ADARB2: variants seen among roughly 807,000 people sequenced by gnomAD.
ADARB2 encodes inactive double-stranded RNA-specific editase B2.
ADARB2 carries 25 observed loss-of-function variants against 62.2 expected under a neutral mutation model. The ratio of observed to expected loss-of-function variants is 0.40; its 90% CI spans 0.29 to 0.56. ADARB2 has a LOEUF of 0.56. Among genes scored for constraint, ADARB2 ranks in the 20% least tolerant of loss-of-function variants. ADARB2 has a pLI of 0.43. For synonymous variants in ADARB2, 572 were observed against 500.8 expected, an observed-to-expected ratio of 1.14 and a Z score of -1.90; for missense variants, 1,071 against 1,077.4, an observed-to-expected ratio of 0.99 and a Z score of 0.08.
At chr10:1,420,046 T>C (rs1185817444) in intron 1 of ADARB2, among the ~76,000 whole-genome samples, 1 of 152,266 alleles carries the variant, frequency 6.6e-6, no homozygotes, top group African/African-American at 2.4e-5. Context: ...GTAAAGTCAA[T>C]TTTTAATAAT....
chr10:1,585,870 TA>T (rs1384787290), intron 1 of ADARB2, among the ~76,000 whole-genome samples: 1 of 152,024 alleles, frequency 6.6e-6, no homozygotes, highest in Non-Finnish European at 1.5e-5. Context: ...CCGTCTCTAC[TA>T]AAAATACAAA....
Position 1,594,546 on chromosome 10 carries a change from C to T in ADARB2, c.100+142505G>A, listed in dbSNP as rs144046155. 4.8e-3 allele frequency among the ~76,000 whole-genome samples: 732 copies of T among 152,218 alleles called. 2 individuals carry two copies. Among genetic ancestry groups the T allele is most frequent in the African/African-American group, 0.016 (676 of 41,542 alleles). ...CAGATGTTGCTAACTCACCATCAAGCGGCCCAATCTCTCTGAGTGGGCTGA... is the reference window on the plus strand; with the variant it reads ...CAGATGTTGCTAACTCACCATCAAGTGGCCCAATCTCTCTGAGTGGGCTGA... On this transcript the variant is annotated intron_variant, in intron 1 of 9. Coordinates refer to ENST00000381312, the MANE Select transcript of ADARB2 (RefSeq NM_018702.4).
chr10:1,226,686 G>C (rs1239452310), intron 6 of ADARB2, among the ~76,000 whole-genome samples: 4 of 152,198 alleles, frequency 2.6e-5, no homozygotes, highest in African/African-American at 9.7e-5. Context: ...TCCAGACCCT[G>C]TTTGCCTGGG....
At chr10:1,463,668 A>T (rs1042213550) in intron 1 of ADARB2, among the ~76,000 whole-genome samples, 1 of 152,266 alleles carries the variant, frequency 6.6e-6, no homozygotes, top group South Asian at 2.1e-4. Context: ...GCACAAGCGT[A>T]GCTTAAGATT....
At chr10:1,284,245 G>A (rs1042148305) in intron 3 of ADARB2, among the ~76,000 whole-genome samples, 2 of 152,114 alleles carry the variant, frequency 1.3e-5, no homozygotes, top group Admixed American at 6.5e-5. Context: ...GACCCTGACC[G>A]GCAGGGTGAC....
chr10:1,431,790 A>C (rs1564287551), intron 1 of ADARB2, among the ~76,000 whole-genome samples: 1 of 152,234 alleles, frequency 6.6e-6, no homozygotes, highest in Non-Finnish European at 1.5e-5. Context: ...CAGAACGTGT[A>C]GTTTTTAAAA....
At chr10:1,469,646 G>A (rs534027454) in intron 1 of ADARB2, among the ~76,000 whole-genome samples, 5 of 152,316 alleles carry the variant, frequency 3.3e-5, no homozygotes, top group Admixed American at 3.3e-4. Flanking sequence ...GGTGCCTTCT[G>A]AGGAGAGAAC....
chr10:1,548,200 G>A (rs1259307245), intron 1 of ADARB2, among the ~76,000 whole-genome samples: 1 of 152,132 alleles, frequency 6.6e-6, no homozygotes, highest in Non-Finnish European at 1.5e-5. Flanking sequence ...TGGTGTCATT[G>A]CACACATTAT....
intron 7 of ADARB2, among the ~76,000 whole-genome samples, chr10:1,208,344 G>A (rs1589151713): frequency 6.6e-6 from 1 of 152,182 alleles, no homozygotes; most frequent in East Asian, 1.9e-4. Flanking sequence ...CTGCAGGGTC[G>A]TGCTTTCCCT....
intron 1 of ADARB2, among the ~76,000 whole-genome samples, chr10:1,484,415 C>T (rs936970748): frequency 1.2e-4 from 19 of 152,214 alleles, no homozygotes; most frequent in African/African-American, 3.1e-4. Flanking sequence ...CCCAGGCTGC[C>T]GCCCACCGCT....
chr10:1,485,249 G>C (rs1441472461), intron 1 of ADARB2, among the ~76,000 whole-genome samples: 1 of 151,876 alleles, frequency 6.6e-6, no homozygotes, highest in Non-Finnish European at 1.5e-5. Flanking sequence ...TATTTATGTA[G>C]GTATGTAGGT....
At chr10:1,492,465 C>G (rs1479812732) in intron 1 of ADARB2, among the ~76,000 whole-genome samples, 1 of 152,060 alleles carries the variant, frequency 6.6e-6, no homozygotes, top group Non-Finnish European at 1.5e-5. Flanking sequence ...ATTGAAGGAG[C>G]AGGAAGGATC....
chr10:1,522,255 G>A (rs1020617602), intron 1 of ADARB2, among the ~76,000 whole-genome samples: 2 of 152,182 alleles, frequency 1.3e-5, no homozygotes, highest in Non-Finnish European at 2.9e-5. Flanking sequence ...AGTAACAGAG[G>A]TTGTCTTCAT....
chr10:1,527,711 T>C (rs1282077307), intron 1 of ADARB2, among the ~76,000 whole-genome samples: 3 of 152,156 alleles, frequency 2.0e-5, no homozygotes, highest in Non-Finnish European at 4.4e-5. Context: ...GGTCAGATAG[T>C]CTATCAGAAT....
intron 7 of ADARB2, among the ~76,000 whole-genome samples, chr10:1,210,473 C>T (rs1479277403): frequency 6.6e-6 from 1 of 152,170 alleles, no homozygotes; most frequent in Non-Finnish European, 1.5e-5. Flanking sequence ...CTGGTTTTAG[C>T]ACATCCCTAA....
chr10:1,346,055 T>G (rs2131841434), intron 3 of ADARB2, among the ~76,000 whole-genome samples: 1 of 152,352 alleles, frequency 6.6e-6, no homozygotes, highest in African/African-American at 2.4e-5. Flanking sequence ...GCCCTGTATT[T>G]TTTTAAAGAC....
intron 3 of ADARB2, among the ~76,000 whole-genome samples, chr10:1,350,500 C>T (rs1021907287): frequency 4.6e-5 from 7 of 152,176 alleles, no homozygotes; most frequent in Non-Finnish European, 8.8e-5. Context: ...CTTACAGTTT[C>T]GTTCCGTGAC....
At chr10:1,613,629 C>T (rs959009675) in intron 1 of ADARB2, among the ~76,000 whole-genome samples, 8 of 152,208 alleles carry the variant, frequency 5.3e-5, no homozygotes, top group Admixed American at 4.6e-4. Flanking sequence ...ATGCTGTAAT[C>T]GTGTTCACCC....
chr10:1,440,310 G>A (rs1026852654), intron 1 of ADARB2, among the ~76,000 whole-genome samples: 1 of 152,190 alleles, frequency 6.6e-6, no homozygotes, highest in Non-Finnish European at 1.5e-5. Flanking sequence ...CCACTGATGA[G>A]CTAGGTGACC....
Sources: gnomAD v4.1 joint callset for allele counts (sites outside exome capture counted in the v4.1 genomes callset) on GRCh38, gnomAD v4.1.1 for gene constraint, MANE v1.5 for transcripts, NCBI Gene and HGNC (gene_info 2026-07-23, HGNC 2026-07-21) for gene names.